SLC1A2: variants seen among roughly 807,000 people sequenced by gnomAD.
SLC1A2 encodes the protein excitatory amino acid transporter 2.
In SLC1A2, 15 loss-of-function variants were observed where a neutral mutation model predicts 48.8. The ratio of observed to expected loss-of-function variants is 0.31; its 90% CI spans 0.21 to 0.47. SLC1A2 has a LOEUF of 0.47. Ranked by LOEUF, SLC1A2 falls within the 20% of genes least tolerant of loss-of-function variation. The pLI, the probability that SLC1A2 is intolerant of heterozygous loss-of-function variation, is 0.99. For synonymous variants in SLC1A2, 279 were observed against 272.6 expected, an observed-to-expected ratio of 1.02 and a Z score of -0.23; for missense variants, 502 against 730.5, an observed-to-expected ratio of 0.69 and a Z score of 3.61.
intron 4 of SLC1A2, among the ~76,000 whole-genome samples, chr11:35,309,470 T>C (rs779520638): frequency 6.6e-6 from 1 of 152,192 alleles, no homozygotes; most frequent in Non-Finnish European, 1.5e-5. Flanking sequence ...AGTTACTGTC[T>C]TGGAAATCTC....
intron 2 of SLC1A2, 160 bp downstream of exon 2, chr11:35,317,217 G>T: frequency 1.5e-6 from 1 of 651,872 alleles, no homozygotes; most frequent in East Asian, 2.7e-5. Flanking sequence ...AGGAGGTAAG[G>T]AGGAAAATTA....
chr11:35,311,871 GGAGAGAGAGAGA>G (rs367980308), intron 4 of SLC1A2, among the ~76,000 whole-genome samples: 1 of 83,272 alleles, frequency 1.2e-5, no homozygotes, highest in African/African-American at 4.3e-5. Flanking sequence ...ATAGATATAA[GGAGAGAGAGAGA>G]GAGAGAGAGG....
chr11:35,261,078 A>G, intron 10 of SLC1A2, 113 bp from the exon 11 acceptor site: 3 of 766,950 alleles, frequency 3.9e-6, no homozygotes, highest in Admixed American at 4.0e-5. Context: ...CTGAAATATT[A>G]GTTTTAAATG....
rs192784998 is a variant in SLC1A2 at position 35,277,522 on chromosome 11, A to G, written c.1421+3345T>C. On this transcript the variant is annotated intron_variant, in intron 9 of 10. Transcript: ENST00000278379. ...ATATTAGTGCATTTTTTTCCACTCA[A>G]AGGCATTTGTATTATAATGGGGGGC... Among the ~76,000 whole-genome samples the G allele has an allele frequency of 6.6e-5, 10 of 152,294 alleles. No individual in the cohort carries two copies. In the East Asian group the frequency reaches 1.5e-3, roughly 24 times the overall value.
chr11:35,264,650 T>G (rs959992116), intron 10 of SLC1A2, among the ~76,000 whole-genome samples: 10 of 152,198 alleles, frequency 6.6e-5, no homozygotes, highest in East Asian at 1.9e-4. Flanking sequence ...CAGCCAGGCA[T>G]TGTCTGAGAT....
chr11:35,396,972 G>A (rs1388767625), intron 1 of SLC1A2, among the ~76,000 whole-genome samples: 9 of 150,388 alleles, frequency 6.0e-5, no homozygotes, highest in Non-Finnish European at 1.5e-5. Flanking sequence ...AACTTACAAG[G>A]GATGTGAAGG....
chr11:35,351,456 C>T (rs751293944), intron 1 of SLC1A2, among the ~76,000 whole-genome samples: 23 of 152,162 alleles, frequency 1.5e-4, no homozygotes, highest in Non-Finnish European at 2.8e-4. Context: ...CTCCCAGATA[C>T]TTCACCCCAC....
At position 35,354,676 on chromosome 11, in the gene SLC1A2, G is replaced by T. The variant is rs1041226602; in HGVS notation, c.18-37160C>A. Among the ~76,000 whole-genome samples, 7 of 152,152 alleles carry T rather than the reference G, an allele frequency of 4.6e-5. No individual in the cohort carries two copies. The East Asian group carries it at 1.2e-3, about 25-fold the overall frequency. ...CCCAAATGCCAATAGGGCCGAGGTC[G>T]AGAAACCCTATCCCAACAGATGTCA... On this transcript the variant is annotated intron_variant, in intron 1 of 10. Transcript: ENST00000278379.
At position 35,306,211 on chromosome 11, in the gene SLC1A2, G is replaced by A. The variant is rs1851500756; in HGVS notation, c.593C>T (p.Ala198Val). The A allele has an allele frequency of 1.2e-6, 2 of 1,613,736 alleles. No individual in the cohort carries two copies. The highest frequency in any genetic ancestry group is 1.7e-6 in the Non-Finnish European group (2 of 1,179,862). ...GTTGGCCTCCTCGTCCGGCGGTGGT[G>A]CAACCAGGACTTTCTTCGTCACTGT... ...IQTVTKKVLV[A>V]PPPDEEANAT... Residue 198 changes from alanine to valine, a missense_variant, in exon 5 of 11, where the codon GCA becomes GTA. Around this residue, in one of 4 missense-constraint regions of SLC1A2, gnomAD observed 309 missense variants for 480.3 expected, o/e 0.64. Transcript: ENST00000278379.
chr11:35,276,020 T>C (rs1373749284), intron 9 of SLC1A2, among the ~76,000 whole-genome samples: 1 of 152,172 alleles, frequency 6.6e-6, no homozygotes, highest in African/African-American at 2.4e-5. Flanking sequence ...ACACACATTT[T>C]CCCAGGATCC....
At chr11:35,370,387 G>T (rs147992948) in intron 1 of SLC1A2, among the ~76,000 whole-genome samples, 6 of 152,296 alleles carry the variant, frequency 3.9e-5, no homozygotes, top group African/African-American at 1.4e-4. Flanking sequence ...GTGGCACATT[G>T]TCAGTGCCGG....
At chr11:35,283,030 A>G (rs1461869415) in intron 8 of SLC1A2, among the ~76,000 whole-genome samples, 5 of 146,252 alleles carry the variant, frequency 3.4e-5, no homozygotes, top group Non-Finnish European at 7.4e-5. Flanking sequence ...GACACACAAT[A>G]TCAGAGCAGA....
chr11:35,287,694 A>G (rs1850872221), intron 7 of SLC1A2, among the ~76,000 whole-genome samples: 1 of 152,224 alleles, frequency 6.6e-6, no homozygotes, highest in Non-Finnish European at 1.5e-5. Flanking sequence ...TCGTGACCAC[A>G]TGACCAAGCC....
intron 9 of SLC1A2, among the ~76,000 whole-genome samples, chr11:35,269,864 C>A (rs1850230668): frequency 6.6e-6 from 1 of 152,162 alleles, no homozygotes; most frequent in South Asian, 2.1e-4. Flanking sequence ...AATCCCAGCA[C>A]TTTGGGAGGC....
chr11:35,374,189 A>T (rs1330760665), intron 1 of SLC1A2: 1 of 435,500 alleles, frequency 2.3e-6, no homozygotes, highest in African/African-American at 2.1e-5. Flanking sequence ...ATTCTACCAC[A>T]GCCTCCCTCG....
Position 35,317,356 on chromosome 11 carries a change from TG to T in SLC1A2, c.157+20del, listed in dbSNP as rs1274589215. 2.5e-6 allele frequency: 4 copies of T among 1,606,384 alleles called. No individual in the cohort carries two copies. The Admixed American group carries it at 5.0e-5, about 20-fold the overall frequency. ...GTCCCAGAGAAGAGGGGGCTGGGGG[TG>T]GGGTAGTGCAGGTACCTACCAAACA... On this transcript the variant is annotated intron_variant, in intron 2 of 10. Transcript: ENST00000278379.
chr11:35,394,805 C>A (rs7122811), intron 1 of SLC1A2, among the ~76,000 whole-genome samples: 127,738 of 152,250 alleles, frequency 0.84, 54,110 homozygotes, highest in East Asian at 0.96. Flanking sequence ...CACGACATGG[C>A]AGCTGAAAGA....
Position 35,305,736 on chromosome 11 carries a change from G to A in SLC1A2, c.730+338C>T, listed in dbSNP as rs553250736. Among the ~76,000 whole-genome samples, 55 of 152,288 alleles carry A rather than the reference G, an allele frequency of 3.6e-4. 1 individual carries two copies. The highest frequency in any genetic ancestry group is 1.3e-3 in the African/African-American group (53 of 41,550). On this transcript the variant is annotated intron_variant, in intron 5 of 10. Transcript: ENST00000278379. ...AGCTTTTAAAAAATGCTTAAGAAACGAAAGCAATGGATGTGTCACTTAATA... is the reference window on the plus strand; with the variant it reads ...AGCTTTTAAAAAATGCTTAAGAAACAAAAGCAATGGATGTGTCACTTAATA...
At chr11:35,405,966 C>A (rs1206499408) in intron 1 of SLC1A2, among the ~76,000 whole-genome samples, 2 of 152,110 alleles carry the variant, frequency 1.3e-5, no homozygotes, top group African/African-American at 2.4e-5. Flanking sequence ...ATCTCTTTTG[C>A]GAGGTAGACA....
Sources: allele counts gnomAD v4.1 joint callset (sites outside exome capture counted in the v4.1 genomes callset), GRCh38; gene constraint gnomAD v4.1.1; regional missense constraint gnomAD v4.1.1; transcripts MANE v1.5; gene names NCBI Gene and HGNC (gene_info 2026-07-23, HGNC 2026-07-21).